RBM4: variants seen among roughly 807,000 people sequenced by gnomAD.
RBM4 encodes the protein RNA-binding protein 4.
Under a neutral mutation model 29.5 loss-of-function variants are expected in RBM4, and 7 were observed. The observed-to-expected ratio is 0.24, with a 90% confidence interval of 0.14 to 0.45. RBM4 has a LOEUF of 0.45. Ranked by LOEUF, RBM4 falls within the 20% of genes least tolerant of loss-of-function variation. The pLI is 1.00. For missense variants in RBM4, 387 were observed against 502.3 expected, an observed-to-expected ratio of 0.77 and a Z score of 2.19; for synonymous variants, 220 against 205.4, an observed-to-expected ratio of 1.07 and a Z score of -0.61.
downstream of RBM4, among the ~76,000 whole-genome samples, chr11:66,647,568 A>G (rs1340417628): frequency 6.6e-6 from 1 of 152,036 alleles, no homozygotes; most frequent in Non-Finnish European, 1.5e-5. Flanking sequence ...GTACATACCT[A>G]ACTTTGGTTT....
intron 3 of RBM4, 175 bp downstream of exon 3, chr11:66,644,315 T>C: frequency 1.1e-6 from 1 of 887,332 alleles, no homozygotes; most frequent in Non-Finnish European, 1.6e-6. Flanking sequence ...ATACATAGAG[T>C]TCCTTGGCCC....
At chr11:66,647,082 T>G (rs550990196), downstream of RBM4, among the ~76,000 whole-genome samples, 140 of 152,368 alleles carry the variant, frequency 9.2e-4, no homozygotes, top group Admixed American at 2.7e-3. Context: ...GATACCTTGT[T>G]GAATGATGGG....
chr11:66,650,332 G>A (rs1175184176), downstream of RBM4, among the ~76,000 whole-genome samples: 3 of 152,210 alleles, frequency 2.0e-5, no homozygotes, highest in Non-Finnish European at 2.9e-5. Context: ...CACTTTGGGA[G>A]GCCAAGGCAG....
In RBM4 at chr11:66,644,006, G is replaced by A. The variant is rs780775202; in HGVS notation, c.969G>A (p.Glu323=). The change falls in exon 3 of 4, where the codon GAG becomes GAA. Residue 323 remains glutamate (E), a synonymous_variant. Coordinates refer to ENST00000310092, the MANE Select transcript of RBM4 (RefSeq NM_002896.4). ...RATAPVPTVG[E]GYGYGHESEL... ...CAGCCCCAGTCCCCACTGTTGGAGA[G>A]GGCTACGGTTACGGGCATGAGAGTG... 2 of 1,613,582 alleles carry A rather than the reference G, an allele frequency of 1.2e-6. No individual in the cohort carries two copies. The highest frequency in any genetic ancestry group is 3.3e-5 in the Admixed American group (2 of 60,030).
At position 66,643,319 on chromosome 11, in the gene RBM4, TATC is replaced by T; in HGVS notation, c.413-130_413-128del. The T allele has an allele frequency of 8.0e-7, 1 of 1,245,264 alleles. No individual in the cohort carries two copies. The allele number at this position is 1,245,264 out of a possible 1,614,324, so 77.1% of individuals were successfully genotyped here. ...TTGAGTCTTTTTTTTTTTTCCTTTTTATCTTTTCCTAAAGATGAGTCCTGCATT... is the reference window on the plus strand; with the variant it reads ...TTGAGTCTTTTTTTTTTTTCCTTTTTTTTTCCTAAAGATGAGTCCTGCATT... On this transcript the variant is annotated intron_variant, in intron 2 of 3. Coordinates refer to ENST00000310092, the MANE Select transcript of RBM4 (RefSeq NM_002896.4). This position sits in a 1 kb window ranked among gnomAD's most constrained non-coding sequence, Gnocchi z 6.1.
chr11:66,657,199 C>T (rs1938966343), intron 2 of RBM4, among the ~76,000 whole-genome samples: 1 of 147,950 alleles, frequency 6.8e-6, no homozygotes, highest in South Asian at 2.2e-4. Flanking sequence ...AATGCAGCCT[C>T]AACCTTCTGA....
exon 3 of RBM4, chr11:66,665,953 CAGA>C (rs1209349703): frequency 2.0e-6 from 3 of 1,532,462 alleles, no homozygotes; most frequent in Admixed American, 2.0e-5. Context: ...CCAGGAAAAG[CAGA>C]AGATGCTGAG....
chr11:66,650,839 G>A (rs775594597), downstream of RBM4, among the ~76,000 whole-genome samples: 4 of 152,080 alleles, frequency 2.6e-5, no homozygotes, highest in Non-Finnish European at 4.4e-5. Context: ...CTCCAGCCGG[G>A]GCAACAGAGC....
chr11:66,647,433 A>G (rs1938724638), downstream of RBM4, among the ~76,000 whole-genome samples: 2 of 152,200 alleles, frequency 1.3e-5, no homozygotes, highest in Non-Finnish European at 2.9e-5. Context: ...AATTTATTGA[A>G]TATTTTTGTA....
chr11:66,644,941 T>A (rs548171612), intron 3 of RBM4, among the ~76,000 whole-genome samples: 13 of 152,080 alleles, frequency 8.5e-5, no homozygotes, highest in Non-Finnish European at 1.6e-4. Flanking sequence ...TTTTTTTTTT[T>A]AAGTAACTAT....
intron 2 of RBM4, among the ~76,000 whole-genome samples, chr11:66,657,480 G>A (rs1181304955): frequency 1.3e-5 from 2 of 151,378 alleles, no homozygotes; most frequent in Non-Finnish European, 2.9e-5. Flanking sequence ...TCAGGAGCTC[G>A]AGAGCAGCCT....
chr11:66,658,337 C>CTTTTTTTT (rs35133059), intron 2 of RBM4, among the ~76,000 whole-genome samples: 5 of 50,464 alleles, frequency 9.9e-5, no homozygotes, highest in Non-Finnish European at 1.7e-4. Context: ...CTAGTCTGAC[C>CTTTTTTTT]TTTTTTTTTT....
chr11:66,665,745 C>T (rs1257226327), intron 2 of RBM4: 12 of 1,301,394 alleles, frequency 9.2e-6, no homozygotes, highest in Non-Finnish European at 6.3e-6. Context: ...ACCTAGGAGT[C>T]TATCAATAGC....
chr11:66,662,686 A>G (rs1939105152), intron 2 of RBM4, among the ~76,000 whole-genome samples: 1 of 152,188 alleles, frequency 6.6e-6, no homozygotes, highest in African/African-American at 2.4e-5. Flanking sequence ...TACAGGCGTG[A>G]GTCACGCACC....
chr11:66,645,494 C>T (rs574779186), intron 3 of RBM4, among the ~76,000 whole-genome samples: 134 of 152,276 alleles, frequency 8.8e-4, no homozygotes, highest in African/African-American at 3.0e-3. Context: ...CCTTCTGCAC[C>T]TTCTTTCCAA....
chr11:66,665,679 A>T (rs1939200847), intron 2 of RBM4: 3 of 1,513,230 alleles, frequency 2.0e-6, no homozygotes, highest in Non-Finnish European at 2.6e-6. Context: ...CGGGGGGAAA[A>T]AAAAGAACAA....
chr11:66,639,608 C>G (rs1269808886), intron 1 of RBM4, 92 bp from the exon 2 acceptor site: 19 of 1,472,916 alleles, frequency 1.3e-5, no homozygotes, highest in Non-Finnish European at 1.7e-5. Flanking sequence ...AGAGAGAAAA[C>G]TGGAAATATA....
intron 2 of RBM4, among the ~76,000 whole-genome samples, chr11:66,660,693 G>A (rs1444100125): frequency 1.6e-4 from 22 of 141,216 alleles, no homozygotes; most frequent in African/African-American, 4.8e-4. Context: ...TTGCTCTGTC[G>A]CCCAGGCTGG....
chr11:66,666,000 GTGTTT>G, exon 3 of RBM4: 2 of 1,466,242 alleles, frequency 1.4e-6, no homozygotes, highest in Non-Finnish European at 9.2e-7. Context: ...TATTCTAAAT[GTGTTT>G]TGTTTTAATC....
Sources: gnomAD v4.1 joint callset for allele counts (sites outside exome capture counted in the v4.1 genomes callset) on GRCh38, gnomAD v4.1.1 for gene constraint, Gnocchi (gnomAD v3.1) non-coding constraint, MANE v1.5 for transcripts, NCBI Gene and HGNC (gene_info 2026-07-23, HGNC 2026-07-21) for gene names.